Variants in SPATA22 observed in about 807,000 individuals in gnomAD.
The protein encoded by SPATA22 is spermatogenesis-associated protein 22.
Under a neutral mutation model 47.8 loss-of-function variants are expected in SPATA22, and 29 were observed. That is an observed-to-expected ratio of 0.61 (90% confidence interval 0.45 to 0.83). The LOEUF (loss-of-function observed/expected upper bound fraction) is 0.83, where lower values mean the gene tolerates loss of function less well. Among genes scored for constraint, SPATA22 ranks in the 40% least tolerant of loss-of-function variants. The pLI is 0.00. For missense variants in SPATA22, 410 were observed against 421.7 expected, an observed-to-expected ratio of 0.97 and a Z score of 0.24; for synonymous variants, 133 against 140.9, an observed-to-expected ratio of 0.94 and a Z score of 0.40.
chr17:3,481,697 A>C (rs181347986), intron 1 of SPATA22: 25 of 1,613,886 alleles, frequency 1.5e-5, no homozygotes, highest in Non-Finnish European at 2.1e-5. Context: ...TTCCTATGAC[A>C]TTATTTTTGA....
In SPATA22 at chr17:3,477,054, C is replaced by T. The variant is rs573412610; in HGVS notation, c.-73-7656G>A. On this transcript the variant is annotated intron_variant, in intron 1 of 8. Coordinates refer to the SPATA22 transcript ENST00000541913. Reference sequence around the variant, plus strand: ...CCTGTAGTCCCAGCTACTTGGGAGGCTGAGGCAGGAGAATGGCGTGAACCC... The same window carrying T: ...CCTGTAGTCCCAGCTACTTGGGAGGTTGAGGCAGGAGAATGGCGTGAACCC... 3.4e-3 allele frequency among the ~76,000 whole-genome samples: 517 copies of T among 151,848 alleles called. 2 individuals carry two copies. The highest frequency in any genetic ancestry group is 5.2e-3 in the Non-Finnish European group (352 of 67,904).
At chr17:3,463,951 G>GCCTCTCCCTCTCCCTCTGCCTCCC (rs56176902) in intron 3 of SPATA22, among the ~76,000 whole-genome samples, 1 of 39,180 alleles carries the variant, frequency 2.6e-5, no homozygotes, top group Non-Finnish European at 4.3e-5. Flanking sequence ...CTCTCCCTCT[G>GCCTCTCCCTCTCCCTCTGCCTCCC]CCTCTCCCTC....
chr17:3,478,101 C>T (rs533111490), intron 1 of SPATA22, among the ~76,000 whole-genome samples: 5 of 152,138 alleles, frequency 3.3e-5, no homozygotes, highest in East Asian at 1.9e-4. Flanking sequence ...AGGAGAATGG[C>T]GTGAACCTGG....
intron 1 of SPATA22, among the ~76,000 whole-genome samples, chr17:3,505,416 G>C (rs1443050037): frequency 6.6e-6 from 1 of 152,260 alleles, no homozygotes; most frequent in Non-Finnish European, 1.5e-5. Flanking sequence ...GCTCTGCTGA[G>C]TGTGAAGCTA....
At chr17:3,446,323 AG>A in intron 7 of SPATA22, 148 bp downstream of exon 7, 1 of 622,946 alleles carries the variant, frequency 1.6e-6, no homozygotes, top group Non-Finnish European at 2.5e-6. Flanking sequence ...TATCTACCAC[AG>A]GGACTATTAT....
At position 3,469,283 on chromosome 17, in the gene SPATA22, CT is replaced by C. The variant is rs1003625574; in HGVS notation, c.42del (p.Gly15AlafsTer18). 3 of 1,483,578 alleles carry C rather than the reference CT, an allele frequency of 2.0e-6. No individual in the cohort carries two copies. Among genetic ancestry groups the C allele is most frequent in the Non-Finnish European group, 2.8e-6 (3 of 1,075,472 alleles). The allele number at this position is 1,483,578 out of a possible 1,614,324, so 91.9% of individuals were successfully genotyped here. On this transcript the variant is annotated frameshift_variant and splice_region_variant, in exon 2 of 9. Transcript: ENST00000572969. LOFTEE classifies it high-confidence loss of function. Reference sequence around the variant, plus strand: ...TTAAAAATAAAAAGTTGTTCAATACCTGCTGTACTTCGAGCTGAATTTTCAT... The same window carrying C: ...TTAAAAATAAAAAGTTGTTCAATACCGCTGTACTTCGAGCTGAATTTTCAT... ...SLNENSARST[A>X]GCLPVPLFNQ...
Position 3,487,034 on chromosome 17 carries a change from C to T in SPATA22, c.-73-17636G>A, listed in dbSNP as rs903798524. The stretch of plus-strand genomic sequence containing the variant: ...GAGAGGGCTGTGTCCAGTCGCTTTC[C>T]CATATTTGTGTGTGTGTGTGTGTTT... On this transcript the variant is annotated intron_variant, in intron 1 of 8. Coordinates refer to the SPATA22 transcript ENST00000541913. Among the ~76,000 whole-genome samples the T allele has an allele frequency of 6.0e-5, 9 of 150,632 alleles. 1 individual carries two copies. In the South Asian group the frequency reaches 1.9e-3, roughly 32 times the overall value.
chr17:3,496,305 A>G lies in SPATA22; in HGVS notation c.-74+17107T>C, dbSNP rs187139989. 3.6e-4 allele frequency among the ~76,000 whole-genome samples: 55 copies of G among 152,372 alleles called. No homozygotes were observed. The East Asian group carries it at 4.0e-3, about 11-fold the overall frequency. ...GAGAACTGACCATGAATAAGTAAAC[A>G]ATATGTAAACCAAATCATTTCAAAC... On this transcript the variant is annotated intron_variant, in intron 1 of 8. Transcript: ENST00000541913.
chr17:3,443,574 A>C (rs2072645317), intron 7 of SPATA22, among the ~76,000 whole-genome samples: 1 of 151,988 alleles, frequency 6.6e-6, no homozygotes, highest in Non-Finnish European at 1.5e-5. Context: ...TTAAATCCCC[A>C]GAACAGTCTA....
At chr17:3,455,232 CCATTTTGTAGGTTGCCTGTT>C (rs1166453644) in intron 5 of SPATA22, among the ~76,000 whole-genome samples, 2 of 152,026 alleles carry the variant, frequency 1.3e-5, no homozygotes, top group African/African-American at 4.8e-5. Flanking sequence ...AAATTTTCTC[CCATTTTGTAGGTTGCCTGTT>C]CACTCTGATG....
At chr17:3,450,520 T>C (rs1179551349) in intron 5 of SPATA22, among the ~76,000 whole-genome samples, 1 of 152,170 alleles carries the variant, frequency 6.6e-6, no homozygotes, top group Non-Finnish European at 1.5e-5. Context: ...GACAATAATT[T>C]TGTAATTTTT....
chr17:3,486,742 AT>A (rs1457870194), intron 1 of SPATA22, among the ~76,000 whole-genome samples: 2 of 152,252 alleles, frequency 1.3e-5, no homozygotes, highest in Non-Finnish European at 2.9e-5. Flanking sequence ...GGCAAACAAT[AT>A]AAATAAATTA....
chr17:3,440,112 G>T lies in SPATA22; in HGVS notation c.*35C>A. ...GTAAATTAAGCAATAACAGAAAACTGCTATAATTTATGCTAAACTTCCTTT... is the reference window on the plus strand; with the variant it reads ...GTAAATTAAGCAATAACAGAAAACTTCTATAATTTATGCTAAACTTCCTTT... On this transcript the variant is annotated 3_prime_UTR_variant, in exon 9 of 9. Transcript: ENST00000572969. 7.3e-7 allele frequency: 1 copy of T among 1,377,842 alleles called. No individual in the cohort carries two copies. The highest frequency in any genetic ancestry group is 9.7e-7 in the Non-Finnish European group (1 of 1,027,084). The allele number at this position is 1,377,842 out of a possible 1,614,324, so 85.4% of individuals were successfully genotyped here.
chr17:3,477,340 A>G (rs2073543541), intron 1 of SPATA22, among the ~76,000 whole-genome samples: 1 of 152,260 alleles, frequency 6.6e-6, no homozygotes, highest in African/African-American at 2.4e-5. Flanking sequence ...CAACGTAAGC[A>G]GTCATAACAT....
chr17:3,492,920 G>A (rs1169690735), intron 1 of SPATA22, among the ~76,000 whole-genome samples: 1 of 152,196 alleles, frequency 6.6e-6, no homozygotes, highest in African/African-American at 2.4e-5. Context: ...AACTAAATTA[G>A]GAGGTGGTTG....
intron 5 of SPATA22, among the ~76,000 whole-genome samples, chr17:3,460,316 ACT>A (rs2073097472): frequency 1.3e-5 from 2 of 152,092 alleles, no homozygotes; most frequent in South Asian, 4.2e-4. Flanking sequence ...TTAATGATTA[ACT>A]CTGGATCAGT....
chr17:3,510,098 C>G (rs2074092736), intron 1 of SPATA22, among the ~76,000 whole-genome samples: 1 of 151,844 alleles, frequency 6.6e-6, no homozygotes, highest in African/African-American at 2.4e-5. Flanking sequence ...AAAATTTTTT[C>G]CTATTCTGTA....
chr17:3,454,541 C>T (rs1184819957), intron 5 of SPATA22, among the ~76,000 whole-genome samples: 3 of 151,430 alleles, frequency 2.0e-5, no homozygotes, highest in Non-Finnish European at 1.5e-5. Context: ...TGAGTGAGAA[C>T]ATGCGGTGTT....
Position 3,465,628 on chromosome 17 carries a change from G to A in SPATA22, c.172+1798C>T, listed in dbSNP as rs533354875. Among the ~76,000 whole-genome samples, 61 of 150,838 alleles carry A rather than the reference G, an allele frequency of 4.0e-4. No homozygotes were observed. In the South Asian group the frequency reaches 8.2e-3, roughly 20 times the overall value. On this transcript the variant is annotated intron_variant, in intron 3 of 8. Coordinates refer to ENST00000572969, the MANE Select transcript of SPATA22 (RefSeq NM_001170698.2). ...CCACTCCCTAATCTCAAGTACCCAG[G>A]GACACAAACACTGCGGAAGGCCGCA... is the stretch of plus-strand genomic sequence containing the variant.
Sources: gnomAD v4.1 joint callset for allele counts (sites outside exome capture counted in the v4.1 genomes callset) on GRCh38, gnomAD v4.1.1 for gene constraint, MANE v1.5 for transcripts, NCBI Gene and HGNC (gene_info 2026-07-23, HGNC 2026-07-21) for gene names.